The following TPRX1 variants were observed in gnomAD, a reference collection of about 807,000 sequenced individuals.
TPRX1 encodes tetra-peptide repeat homeobox protein 1.
TPRX1 carries 2 observed loss-of-function variants against 8.1 expected under a neutral mutation model. The ratio of observed to expected loss-of-function variants is 0.25; its 90% CI spans 0.10 to 0.78. TPRX1 has a LOEUF of 0.78. Among genes scored for constraint, TPRX1 ranks in the 30% least tolerant of loss-of-function variants. The pLI, the probability that TPRX1 is intolerant of heterozygous loss-of-function variation, is 0.70. For missense variants in TPRX1, 517 were observed against 586.9 expected (o/e 0.88, Z 1.23); for synonymous variants, 257 against 254.1 (o/e 1.01, Z -0.11).
chr19:47,815,114 TTATATATATATATATATATA>T (rs548380113), intron 2 of TPRX1, among the ~76,000 whole-genome samples: 2 of 63,390 alleles, frequency 3.2e-5, no homozygotes, highest in African/African-American at 6.9e-5. Flanking sequence ...AATAGATAAA[TTATATATATATATATATATA>T]TATATATATG....
chr19:47,817,060 C>A (rs1484095443), intron 2 of TPRX1, among the ~76,000 whole-genome samples: 1 of 152,192 alleles, frequency 6.6e-6, no homozygotes, highest in Non-Finnish European at 1.5e-5. Context: ...GTTCTCAGAG[C>A]TGTGGAGTTC....
chr19:47,804,400 G>A (rs1967714548), intron 2 of TPRX1, among the ~76,000 whole-genome samples, 115 bp downstream of exon 1: 1 of 152,136 alleles, frequency 6.6e-6, no homozygotes, highest in African/African-American at 2.4e-5. Flanking sequence ...TCCCCCGTCT[G>A]CAGGACAGGA....
chr19:47,801,636 C>A, exon 4 of TPRX1: 2 of 1,018,444 alleles, frequency 2.0e-6, no homozygotes, highest in Non-Finnish European at 2.8e-6. Context: ...CCTGTGATAG[C>A]TGCACAGTGA....
chr19:47,808,815 G>A (rs563670845), intron 2 of TPRX1, among the ~76,000 whole-genome samples: 2 of 152,168 alleles, frequency 1.3e-5, no homozygotes, highest in East Asian at 1.9e-4. Flanking sequence ...GTGAATAAGC[G>A]CAGATATCAG....
intron 2 of TPRX1, among the ~76,000 whole-genome samples, chr19:47,814,503 A>G (rs1967813661): frequency 6.6e-6 from 1 of 152,146 alleles, no homozygotes; most frequent in African/African-American, 2.4e-5. Context: ...AAAAAATAAG[A>G]ATAAAGTTTA....
At chr19:47,815,995 T>C (rs1455828762) in intron 2 of TPRX1, among the ~76,000 whole-genome samples, 1 of 151,846 alleles carries the variant, frequency 6.6e-6, no homozygotes, top group Non-Finnish European at 1.5e-5. Flanking sequence ...TGTAGCGGGG[T>C]AGTTGAGGGC....
chr19:47,803,917 C>T (rs551107258), intron 2 of TPRX1, among the ~76,000 whole-genome samples: 6 of 152,174 alleles, frequency 3.9e-5, no homozygotes, highest in South Asian at 2.1e-4. Flanking sequence ...TCGGAGCAGA[C>T]GGGGCTGCCT....
intron 2 of TPRX1, among the ~76,000 whole-genome samples, chr19:47,803,962 C>T (rs1233288584): frequency 6.6e-6 from 1 of 151,888 alleles, no homozygotes; most frequent in Non-Finnish European, 1.5e-5. Context: ...TGCCCCGTCC[C>T]CTCCCATCCA....
chr19:47,817,462 C>T (rs1967854407), intron 2 of TPRX1, among the ~76,000 whole-genome samples: 1 of 152,200 alleles, frequency 6.6e-6, no homozygotes, highest in Non-Finnish European at 1.5e-5. Context: ...GATATGGCCT[C>T]TTAGGATGCT....
chr19:47,814,212 C>T (rs550792305), intron 2 of TPRX1, among the ~76,000 whole-genome samples: 41 of 152,114 alleles, frequency 2.7e-4, no homozygotes, highest in South Asian at 1.2e-3. Context: ...CCCACCACTA[C>T]GCAGAGCATA....
At chr19:47,804,952 G>A (rs560240373) in intron 2 of TPRX1, among the ~76,000 whole-genome samples, 32 of 152,298 alleles carry the variant, frequency 2.1e-4, no homozygotes, top group Non-Finnish European at 3.5e-4. Flanking sequence ...GACCAATGCC[G>A]GTGAGTCTAC....
chr19:47,810,233 C>T lies in TPRX1; in HGVS notation c.152-6560G>A, dbSNP rs182594635. On this transcript the variant is annotated intron_variant, in intron 2 of 3. Transcript: ENST00000535759. ...TTGTGCCACTGCACTCCAGCCCCGGCGACAGAGTGAGACTCCATCTCAAAA... is the reference window on the plus strand; with the variant it reads ...TTGTGCCACTGCACTCCAGCCCCGGTGACAGAGTGAGACTCCATCTCAAAA... 2.8e-3 allele frequency among the ~76,000 whole-genome samples: 266 copies of T among 95,908 alleles called. 2 individuals carry two copies. Among genetic ancestry groups the T allele is most frequent in the African/African-American group, 0.01 (242 of 23,932 alleles). 62.9% of individuals were successfully genotyped at this position (95,908 alleles called of 152,430 possible).
chr19:47,811,580 C>A (rs10407268), intron 2 of TPRX1, among the ~76,000 whole-genome samples: 9,969 of 149,926 alleles, frequency 0.066, 430 homozygotes, highest in Middle Eastern at 0.12. Context: ...CTCACTGCAA[C>A]CTCCGCCTCC....
intron 2 of TPRX1, among the ~76,000 whole-genome samples, chr19:47,815,798 C>A (rs1286050246): frequency 1.3e-5 from 2 of 151,504 alleles, no homozygotes; most frequent in African/African-American, 4.8e-5. Flanking sequence ...GGCAACAGAG[C>A]AAGACCCTGT....
Position 47,804,509 on chromosome 19 carries a change from G to C in TPRX1, c.152-836C>G, listed in dbSNP as rs1029025785. Reference sequence around the variant, plus strand: ...CCAGACCCCTCACACCTCTGTCCCCGCTCACCTTGGAGATGACCAGGGTCT... The same window carrying C: ...CCAGACCCCTCACACCTCTGTCCCCCCTCACCTTGGAGATGACCAGGGTCT... On this transcript the variant is annotated intron_variant, in intron 2 of 3. Transcript: ENST00000535759. Among the ~76,000 whole-genome samples, 1 of 152,150 alleles carries C rather than the reference G, an allele frequency of 6.6e-6. No homozygotes were observed. The highest frequency in any genetic ancestry group is 2.1e-4 in the South Asian group (1 of 4,830).
intron 2 of TPRX1, among the ~76,000 whole-genome samples, chr19:47,809,498 A>C (rs1037174200): frequency 1.3e-5 from 2 of 151,750 alleles, no homozygotes; most frequent in East Asian, 3.9e-4. Flanking sequence ...ACCCAGGCTG[A>C]CCTCTAACTC....
exon 4 of TPRX1, chr19:47,802,136 C>G (rs376802611): frequency 1.5e-5 from 24 of 1,584,610 alleles, no homozygotes; most frequent in Non-Finnish European, 2.0e-5. Context: ...GCTTCGCATC[C>G]GGCCAGGACT....
intron 2 of TPRX1, among the ~76,000 whole-genome samples, chr19:47,817,307 C>T (rs569057692): frequency 9.9e-5 from 15 of 152,220 alleles, no homozygotes; most frequent in Admixed American, 4.6e-4. Flanking sequence ...TCCTCCCAGG[C>T]GGCTTCTGGT....
At chr19:47,802,917 G>T (rs750708649) in exon 4 of TPRX1, 1 of 1,550,472 alleles carries the variant, frequency 6.4e-7, no homozygotes, top group South Asian at 1.2e-5. Context: ...CCAGGGACGC[G>T]CTGGGGCTGC....
Sources: allele counts gnomAD v4.1 joint callset (sites outside exome capture counted in the v4.1 genomes callset), GRCh38; gene constraint gnomAD v4.1.1; transcripts MANE v1.5; gene names NCBI Gene and HGNC (gene_info 2026-07-23, HGNC 2026-07-21).